SGCZ: variants seen among roughly 807,000 people sequenced by gnomAD.
SGCZ encodes the protein zeta-sarcoglycan.
Under a neutral mutation model 41.3 loss-of-function variants are expected in SGCZ, and 40 were observed. The ratio of observed to expected loss-of-function variants is 0.97; its 90% CI spans 0.75 to 1.26. The LOEUF (loss-of-function observed/expected upper bound fraction) is 1.26. SGCZ is among the 50% of genes most tolerant of loss of function. SGCZ has a pLI of 0.00. For missense variants in SGCZ, 552 were observed against 369.8 expected (o/e 1.49, Z -4.04); for synonymous variants, 206 against 137.5 (o/e 1.50, Z -3.49).
intron 2 of SGCZ, among the ~76,000 whole-genome samples, chr8:14,410,051 C>T (rs1324035052): frequency 6.6e-6 from 1 of 152,108 alleles, no homozygotes; most frequent in Non-Finnish European, 1.5e-5. Flanking sequence ...GCCAGCATTA[C>T]CGTCTGAGCT....
At chr8:14,353,246 G>C (rs981342190) in intron 2 of SGCZ, among the ~76,000 whole-genome samples, 2 of 152,042 alleles carry the variant, frequency 1.3e-5, no homozygotes, top group Non-Finnish European at 2.9e-5. Context: ...ACATTTACTA[G>C]TAGATAGAAA....
intron 7 of SGCZ, among the ~76,000 whole-genome samples, chr8:14,100,643 A>G (rs1270064661): frequency 1.3e-5 from 2 of 149,276 alleles, no homozygotes; most frequent in African/African-American, 4.9e-5. Flanking sequence ...AATATTATAC[A>G]TTAGATTGCT....
At chr8:14,853,880 G>T (rs189587837) in intron 1 of SGCZ, among the ~76,000 whole-genome samples, 1 of 151,850 alleles carries the variant, frequency 6.6e-6, no homozygotes, top group East Asian at 2.0e-4. Flanking sequence ...CATGACTACA[G>T]CTTATCCTAA....
At chr8:14,875,835 C>T (rs1804338436) in intron 1 of SGCZ, among the ~76,000 whole-genome samples, 1 of 152,056 alleles carries the variant, frequency 6.6e-6, no homozygotes, top group Admixed American at 6.6e-5. Flanking sequence ...ACATCTGGGC[C>T]ACAATTTAGT....
chr8:14,914,673 T>C (rs1298889189), intron 1 of SGCZ, among the ~76,000 whole-genome samples: 1 of 152,216 alleles, frequency 6.6e-6, no homozygotes, highest in Non-Finnish European at 1.5e-5. Context: ...AAAATAATTA[T>C]AAAATGTTCT....
intron 1 of SGCZ, among the ~76,000 whole-genome samples, chr8:14,627,433 G>C (rs1806498534): frequency 6.6e-6 from 1 of 152,000 alleles, no homozygotes; most frequent in Non-Finnish European, 1.5e-5. Context: ...GATCCATTGT[G>C]TTTCTTCTTC....
At chr8:14,990,177 T>A (rs1007343854) in intron 1 of SGCZ, among the ~76,000 whole-genome samples, 3 of 152,194 alleles carry the variant, frequency 2.0e-5, no homozygotes, top group Non-Finnish European at 4.4e-5. Flanking sequence ...CGCAACATGC[T>A]GCCAAAATCA....
In SGCZ at chr8:14,466,892, G is replaced by C. The variant is rs1801065953; in HGVS notation, c.234+87840C>G. ...TCTATGTCTTCCTTTAATACTCTGA[G>C]CATCTTGAAGACCAGTGTATTAAAA... On this transcript the variant is annotated intron_variant, in intron 2 of 7. Transcript: ENST00000382080. Among the ~76,000 whole-genome samples, 3 of 151,452 alleles carry C rather than the reference G, an allele frequency of 2.0e-5. No individual in the cohort carries two copies. The South Asian group carries it at 6.3e-4, about 32-fold the overall frequency.
chr8:14,179,558 G>C (rs542511260), intron 4 of SGCZ, among the ~76,000 whole-genome samples: 2 of 152,194 alleles, frequency 1.3e-5, no homozygotes, highest in African/African-American at 4.8e-5. Context: ...CTATATTAAT[G>C]ATAACATGCT....
intron 3 of SGCZ, among the ~76,000 whole-genome samples, chr8:14,263,912 T>C (rs1457988943): frequency 6.6e-6 from 1 of 152,206 alleles, no homozygotes; most frequent in Non-Finnish European, 1.5e-5. Context: ...TGGAGTCCCG[T>C]GCCAGGCCTA....
chr8:14,231,066 G>A (rs1806548986), intron 4 of SGCZ, among the ~76,000 whole-genome samples: 1 of 151,884 alleles, frequency 6.6e-6, no homozygotes, highest in African/African-American at 2.4e-5. Context: ...GTTTTAATCA[G>A]CCTATGTGTA....
In SGCZ at chr8:14,423,159, T is replaced by G. The variant is rs546969561; in HGVS notation, c.235-98955A>C. On this transcript the variant is annotated intron_variant, in intron 2 of 7. Coordinates refer to ENST00000382080, the MANE Select transcript of SGCZ (RefSeq NM_139167.4). ...TTTTAAAAGTAAACTCTGGGGACTGTTGTGGGGTGGGCGGAGGGGGGAGGG... is the reference window on the plus strand; with the variant it reads ...TTTTAAAAGTAAACTCTGGGGACTGGTGTGGGGTGGGCGGAGGGGGGAGGG... Among the ~76,000 whole-genome samples, 541 of 151,906 alleles carry G rather than the reference T, an allele frequency of 3.6e-3. 1 individual carries two copies. Among genetic ancestry groups the G allele is most frequent in the South Asian group, 0.015 (70 of 4,806 alleles).
intron 2 of SGCZ, among the ~76,000 whole-genome samples, chr8:14,511,648 T>C (rs1024374908): frequency 6.6e-6 from 1 of 152,144 alleles, no homozygotes; most frequent in African/African-American, 2.4e-5. Context: ...CTACACTAAT[T>C]ATATTTTAGA....
intron 1 of SGCZ, among the ~76,000 whole-genome samples, chr8:15,034,663 A>G (rs1307225826): frequency 6.6e-6 from 1 of 152,222 alleles, no homozygotes; most frequent in African/African-American, 2.4e-5. Flanking sequence ...ACATACTATA[A>G]CCAAATGGTT....
chr8:14,124,496 T>C (rs151266729), intron 5 of SGCZ, among the ~76,000 whole-genome samples: 197 of 152,322 alleles, frequency 1.3e-3, no homozygotes, highest in Non-Finnish European at 1.4e-3. Context: ...TACAGTTGAC[T>C]TAAAACTAAA....
At chr8:15,062,191 TA>T (rs2131012832) in intron 1 of SGCZ, among the ~76,000 whole-genome samples, 1 of 152,268 alleles carries the variant, frequency 6.6e-6, no homozygotes, top group African/African-American at 2.4e-5. Context: ...TTAAAAGCAT[TA>T]AGTTTTTATT....
chr8:14,842,984 G>A (rs1227754554), intron 1 of SGCZ, among the ~76,000 whole-genome samples: 3 of 152,202 alleles, frequency 2.0e-5, no homozygotes, highest in Non-Finnish European at 2.9e-5. Flanking sequence ...AGGCCAAGGC[G>A]AGCGGATCTC....
intron 1 of SGCZ, among the ~76,000 whole-genome samples, chr8:14,701,448 G>C (rs1809133734): frequency 6.6e-6 from 1 of 151,714 alleles, no homozygotes; most frequent in African/African-American, 2.4e-5. Flanking sequence ...TAAAGCCTCA[G>C]CCCTGCTTCA....
intron 2 of SGCZ, among the ~76,000 whole-genome samples, chr8:14,410,765 TTAAAG>T (rs969791215): frequency 6.0e-4 from 91 of 152,142 alleles, no homozygotes; most frequent in African/African-American, 2.0e-3. Context: ...ATCCTAGAAC[TTAAAG>T]TAAAATATAC....
Sources: gnomAD v4.1 joint callset for allele counts (sites outside exome capture counted in the v4.1 genomes callset) on GRCh38, gnomAD v4.1.1 for gene constraint, MANE v1.5 for transcripts, NCBI Gene and HGNC (gene_info 2026-07-23, HGNC 2026-07-21) for gene names.